The following ADAM22 variants were observed in gnomAD, a reference collection of about 807,000 sequenced individuals.
ADAM22 encodes the protein disintegrin and metalloproteinase domain-containing protein 22.
Under a neutral mutation model 144.6 loss-of-function variants are expected in ADAM22, and 65 were observed. The ratio of observed to expected loss-of-function variants is 0.45; its 90% confidence interval spans 0.37 to 0.55. ADAM22 has a LOEUF of 0.55. ADAM22 is among the 20% of genes least tolerant of loss of function. ADAM22 has a pLI of 0.00. For synonymous variants in ADAM22, 391 were observed against 412.6 expected (o/e 0.95, Z 0.63); for missense variants, 974 against 1,184.9 (o/e 0.82, Z 2.61).
chr7:87,971,126 G>A (rs1346715070), intron 2 of ADAM22, among the ~76,000 whole-genome samples: 1 of 152,062 alleles, frequency 6.6e-6, no homozygotes, highest in Non-Finnish European at 1.5e-5. Flanking sequence ...ATTGGCCTTA[G>A]GACATGTGCT....
intron 3 of ADAM22, among the ~76,000 whole-genome samples, chr7:88,053,616 G>T (rs1807244368): frequency 8.8e-6 from 1 of 113,426 alleles, no homozygotes; most frequent in Non-Finnish European, 2.1e-5. Context: ...AAGAAAGAAA[G>T]AAAGAAAGAA....
intron 26 of ADAM22, among the ~76,000 whole-genome samples, chr7:88,175,952 CATTATT>C (rs1340746240): frequency 6.6e-6 from 1 of 151,964 alleles, no homozygotes; most frequent in Non-Finnish European, 1.5e-5. Flanking sequence ...GGATGTTAAA[CATTATT>C]ATTAGTAGTA....
At chr7:88,169,754 G>T (rs1188630342) in intron 25 of ADAM22, among the ~76,000 whole-genome samples, 1 of 152,094 alleles carries the variant, frequency 6.6e-6, no homozygotes, top group African/African-American at 2.4e-5. Flanking sequence ...AAGCAAATTA[G>T]CTCTGTGTTG....
intron 2 of ADAM22, among the ~76,000 whole-genome samples, chr7:87,960,734 T>C (rs1019726541): frequency 2.0e-5 from 3 of 152,214 alleles, no homozygotes; most frequent in Non-Finnish European, 2.9e-5. Context: ...ACTTGCCAGC[T>C]CTGCAATTAA....
intron 4 of ADAM22, among the ~76,000 whole-genome samples, chr7:88,089,473 A>G (rs1436070099): frequency 1.3e-5 from 2 of 152,156 alleles, no homozygotes; most frequent in Non-Finnish European, 2.9e-5. Flanking sequence ...CAAGTAATCT[A>G]TACTAAGGCT....
chr7:87,975,835 C>A (rs1403668381), intron 2 of ADAM22, among the ~76,000 whole-genome samples: 1 of 152,094 alleles, frequency 6.6e-6, no homozygotes, highest in Admixed American at 6.5e-5. Context: ...AATAGTCCTA[C>A]AATAAGGATG....
At chr7:88,045,222 T>C (rs1188034361) in intron 3 of ADAM22, among the ~76,000 whole-genome samples, 5 of 152,266 alleles carry the variant, frequency 3.3e-5, no homozygotes, top group East Asian at 3.9e-4. Flanking sequence ...TTCACCATGT[T>C]GGCCAGGCTG....
intron 2 of ADAM22, among the ~76,000 whole-genome samples, chr7:87,960,295 G>A (rs1847743403): frequency 6.6e-6 from 1 of 152,112 alleles, no homozygotes. Flanking sequence ...AGCATCATAT[G>A]TTCACTGATG....
intron 3 of ADAM22, among the ~76,000 whole-genome samples, chr7:87,979,659 AG>A: frequency 6.6e-6 from 1 of 152,150 alleles, no homozygotes; most frequent in Non-Finnish European, 1.5e-5. Context: ...CTTTGAGGGC[AG>A]AGATTTTCTT....
intron 13 of ADAM22, among the ~76,000 whole-genome samples, chr7:88,135,218 C>T (rs578137437): frequency 1.6e-5 from 2 of 123,638 alleles, no homozygotes; most frequent in African/African-American, 6.2e-5. Context: ...GCGGAGGTTG[C>T]GGTGAGCCAA....
intron 3 of ADAM22, among the ~76,000 whole-genome samples, chr7:87,987,529 T>C (rs1788768878): frequency 6.6e-6 from 1 of 152,220 alleles, no homozygotes; most frequent in African/African-American, 2.4e-5. Context: ...GTGATAGTGG[T>C]ACAGCCCAAC....
At chr7:87,976,600 G>A (rs1404408109) in intron 2 of ADAM22, among the ~76,000 whole-genome samples, 2 of 152,158 alleles carry the variant, frequency 1.3e-5, no homozygotes, top group Non-Finnish European at 2.9e-5. Context: ...GACGACTATA[G>A]GTGGAACTTG....
intron 9 of ADAM22, among the ~76,000 whole-genome samples, chr7:88,128,883 A>G (rs960115890): frequency 6.6e-6 from 1 of 152,080 alleles, no homozygotes; most frequent in African/African-American, 2.4e-5. Flanking sequence ...TGAGTTTTCA[A>G]AAATACTTTG....
At chr7:88,156,556 C>T (rs1840000795) in intron 22 of ADAM22, among the ~76,000 whole-genome samples, 1 of 152,058 alleles carries the variant, frequency 6.6e-6, no homozygotes, top group African/African-American at 2.4e-5. Context: ...CTTACTTCCC[C>T]ACAGGCTCAG....
chr7:87,972,484 A>G (rs1176867735), intron 2 of ADAM22, among the ~76,000 whole-genome samples: 2 of 152,134 alleles, frequency 1.3e-5, no homozygotes, highest in African/African-American at 2.4e-5. Flanking sequence ...GGAAGAATCA[A>G]TATCGTGAAA....
At chr7:87,979,972 C>T (rs1051932611) in intron 3 of ADAM22, among the ~76,000 whole-genome samples, 5 of 152,114 alleles carry the variant, frequency 3.3e-5, no homozygotes, top group African/African-American at 1.2e-4. Context: ...ATCTGTAATT[C>T]CTTGACTTTT....
At chr7:88,080,642 G>C (rs960400099) in intron 4 of ADAM22, among the ~76,000 whole-genome samples, 1 of 151,718 alleles carries the variant, frequency 6.6e-6, no homozygotes, top group African/African-American at 2.4e-5. Flanking sequence ...TCAAATAGAC[G>C]CAATAAAAAA....
chr7:88,028,000 G>A (rs2129468888), intron 3 of ADAM22, among the ~76,000 whole-genome samples: 1 of 152,178 alleles, frequency 6.6e-6, no homozygotes, highest in South Asian at 2.1e-4. Flanking sequence ...ATGTTGGCTG[G>A]CCTCGAACTC....
At chr7:88,180,457 C>T (rs1846716422) in intron 27 of ADAM22, among the ~76,000 whole-genome samples, 1 of 151,932 alleles carries the variant, frequency 6.6e-6, no homozygotes. Context: ...AAATTCCAAC[C>T]TAGGGAATTC....
Sources: gnomAD v4.1 joint callset for allele counts (sites outside exome capture counted in the v4.1 genomes callset) on GRCh38, gnomAD v4.1.1 for gene constraint, MANE v1.5 for transcripts, NCBI Gene and HGNC (gene_info 2026-07-23, HGNC 2026-07-21) for gene names.